Variants in KCNC4 observed in about 807,000 individuals in gnomAD.
KCNC4 encodes the protein voltage-gated potassium channel KCNC4.
KCNC4 carries 23 observed loss-of-function variants against 42.8 expected under a neutral mutation model. The observed-to-expected ratio is 0.54, with a 90% confidence interval of 0.39 to 0.76. KCNC4 has a LOEUF of 0.76. Among genes scored for constraint, KCNC4 ranks in the 30% least tolerant of loss-of-function variants. KCNC4 has a pLI of 0.00. For missense variants in KCNC4, 751 were observed against 898.2 expected, an observed-to-expected ratio of 0.84 and a Z score of 2.10; for synonymous variants, 422 against 393.5, an observed-to-expected ratio of 1.07 and a Z score of -0.86.
At chr1:110,255,600 C>A (rs1331665937) in intron 1 of KCNC4, among the ~76,000 whole-genome samples, 1 of 152,162 alleles carries the variant, frequency 6.6e-6, no homozygotes, top group African/African-American at 2.4e-5. Flanking sequence ...CTACTGGCCT[C>A]CCCATACCAG....
downstream of KCNC4, among the ~76,000 whole-genome samples, chr1:110,254,092 G>GTGGC (rs60155543): frequency 2.8e-5 from 3 of 105,362 alleles, no homozygotes; most frequent in African/African-American, 1.3e-4. Flanking sequence ...GCAGAAGTCG[G>GTGGC]GGGGGGGGCG....
chr1:110,222,449 C>T (rs1658150865), intron 1 of KCNC4: 1 of 155,080 alleles, frequency 6.4e-6, no homozygotes, highest in Admixed American at 6.3e-5. Context: ...TGTTTCTAAC[C>T]AAAGGACCAG....
Position 110,223,782 on chromosome 1 carries a change from G to A in KCNC4, c.1497G>A (p.Pro499=), listed in dbSNP as rs780984588. 1.1e-5 allele frequency: 18 copies of A among 1,614,024 alleles called. No individual in the cohort carries two copies. Among genetic ancestry groups the A allele is most frequent in the South Asian group, 9.9e-5 (9 of 91,094 alleles). The change falls in exon 2 of 4, where the codon CCG becomes CCA. Residue 499 remains proline (P), a synonymous_variant. Coordinates refer to ENST00000438661, the MANE Select transcript of KCNC4 (RefSeq NM_001039574.3). The surrounding 1 kb of genome is among the most constrained non-coding windows in gnomAD (Gnocchi z 7.5). ...PKKRKKHVPR[P]AQLESPMYCK... ...AACGGAAGAAGCACGTGCCACGGCC[G>A]GCGCAGCTGGAGTCACCCATGTACT...
At chr1:110,275,954 C>CAAA (rs61372696) in intron 1 of KCNC4, among the ~76,000 whole-genome samples, 5,410 of 106,118 alleles carry the variant, frequency 0.051, 269 homozygotes, top group East Asian at 0.16. Context: ...GACTCCGCCT[C>CAAA]AAAAAAAAAA....
At chr1:110,246,875 A>G (rs1039980205) in exon 4 of KCNC4, 3 of 151,786 alleles carry the variant, frequency 2.0e-5, no homozygotes, top group African/African-American at 7.3e-5. Context: ...CTCAAATAAC[A>G]TACATTGTAC....
intron 2 of KCNC4, chr1:110,282,733 G>A (rs939374525): frequency 1.3e-4 from 20 of 152,198 alleles, no homozygotes; most frequent in Admixed American, 8.5e-4. Context: ...CCCTTGCTTG[G>A]CTTTGCAGTT....
chr1:110,227,809 C>A (rs1658480494), intron 3 of KCNC4, among the ~76,000 whole-genome samples: 1 of 152,088 alleles, frequency 6.6e-6, no homozygotes. Flanking sequence ...CGTGAGGGTA[C>A]CAGTCAGGAG....
chr1:110,263,556 C>T lies in KCNC4; in HGVS notation n.31-18978C>T, dbSNP rs566643094. 2.0e-5 allele frequency among the ~76,000 whole-genome samples: 3 copies of T among 152,172 alleles called. No homozygotes were observed. The South Asian group carries it at 6.2e-4, about 32-fold the overall frequency. On this transcript the variant is annotated intron_variant and non_coding_transcript_variant, in intron 1 of 2. Transcript: ENST00000412512. ...TTGGGCAACACAGACAGACAGACAC[C>T]CAGAAATATGTACGCCACTCCAAAC...
intron 1 of KCNC4, among the ~76,000 whole-genome samples, chr1:110,265,130 CA>C (rs1659515809): frequency 6.8e-6 from 1 of 147,194 alleles, no homozygotes; most frequent in East Asian, 2.0e-4. Context: ...AAATAAAGTA[CA>C]AAACCACTTG....
chr1:110,277,634 C>G (rs1659747535), intron 1 of KCNC4, among the ~76,000 whole-genome samples: 1 of 152,206 alleles, frequency 6.6e-6, no homozygotes, highest in Admixed American at 6.5e-5. Flanking sequence ...CTGTTCTAAA[C>G]CAGATTCCAG....
At chr1:110,234,240 A>C (rs1281573910), downstream of KCNC4, 1 of 152,160 alleles carries the variant, frequency 6.6e-6, no homozygotes, top group East Asian at 1.9e-4. Flanking sequence ...AAGCCACACA[A>C]AGAGGACTAA....
intron 1 of KCNC4, among the ~76,000 whole-genome samples, chr1:110,270,441 G>C (rs959432889): frequency 6.6e-6 from 1 of 152,200 alleles, no homozygotes; most frequent in East Asian, 1.9e-4. Context: ...CAAAGCTAAG[G>C]AGTTGGATGA....
chr1:110,217,057 CAT>C (rs1466973236), intron 1 of KCNC4, among the ~76,000 whole-genome samples: 1 of 152,198 alleles, frequency 6.6e-6, no homozygotes, highest in African/African-American at 2.4e-5. Context: ...TTACCATACA[CAT>C]GTGGGGTTCT....
chr1:110,222,846 C>G, intron 1 of KCNC4, 118 bp from the exon 2 acceptor site: 1 of 709,650 alleles, frequency 1.4e-6, no homozygotes, highest in Non-Finnish European at 2.4e-6. Flanking sequence ...ATACGTTAAT[C>G]CCACCTCTCA....
chr1:110,211,585 T>C lies in KCNC4; in HGVS notation c.86T>C (p.Met29Thr), dbSNP rs912348081. 1 of 1,614,054 alleles carries C rather than the reference T, an allele frequency of 6.2e-7. No individual in the cohort carries two copies. Among genetic ancestry groups the C allele is most frequent in the Non-Finnish European group, 8.5e-7 (1 of 1,179,964 alleles). ...TCCAAAACATGTCTGAAGGAGGAGA[T>C]GGCCAAGGGCGAGGCGTCGGAGAAG... Reference protein sequence around the residue: ...PPSKTCLKEEMAKGEASEKII... With the variant: ...PPSKTCLKEETAKGEASEKII... The change falls in exon 1 of 4, where the codon ATG becomes ACG. Residue 29 changes from methionine to threonine, a missense_variant. By Grantham distance (81) the Met-to-Thr change is moderately conservative. Coordinates refer to ENST00000438661, the MANE Select transcript of KCNC4 (RefSeq NM_001039574.3). This position sits in a 1 kb window ranked among gnomAD's most constrained non-coding sequence, Gnocchi z 6.5.
At chr1:110,253,939 G>A (rs905691985), downstream of KCNC4, among the ~76,000 whole-genome samples, 14 of 152,058 alleles carry the variant, frequency 9.2e-5, no homozygotes, top group East Asian at 1.9e-4. Context: ...CCTACTTCAC[G>A]GCCATGCAGA....
chr1:110,267,048 G>A (rs1054748685), intron 1 of KCNC4, among the ~76,000 whole-genome samples: 3 of 152,202 alleles, frequency 2.0e-5, no homozygotes, highest in Admixed American at 1.3e-4. Context: ...CAAGCAGCCC[G>A]CACGCCTCTG....
intron 1 of KCNC4, among the ~76,000 whole-genome samples, chr1:110,260,301 A>T (rs1050299725): frequency 2.0e-5 from 3 of 152,174 alleles, no homozygotes; most frequent in Admixed American, 1.3e-4. Flanking sequence ...ATCCTTTGGG[A>T]TCTGTAAGAT....
At chr1:110,224,090 C>T in intron 2 of KCNC4, 190 bp downstream of exon 2, 1 of 589,472 alleles carries the variant, frequency 1.7e-6, no homozygotes. Flanking sequence ...CCGATAGCTT[C>T]CCGAACATCA....
Sources: gnomAD v4.1 joint callset for allele counts (sites outside exome capture counted in the v4.1 genomes callset) on GRCh38, gnomAD v4.1.1 for gene constraint, Gnocchi (gnomAD v3.1) non-coding constraint, MANE v1.5 for transcripts, NCBI Gene and HGNC (gene_info 2026-07-23, HGNC 2026-07-21) for gene names.